Variants in GSE1 observed in about 807,000 individuals in gnomAD.
The protein encoded by GSE1 is genetic suppressor element 1.
Under a neutral mutation model 112.6 loss-of-function variants are expected in GSE1, and 32 were observed. The ratio of observed to expected loss-of-function variants is 0.28; its 90% CI spans 0.21 to 0.38. The LOEUF is 0.38. GSE1 is among the 10% of genes least tolerant of loss of function. The pLI, the probability that GSE1 is intolerant of heterozygous loss-of-function variation, is 1.00. For missense variants in GSE1, 2,348 were observed against 1,699.2 expected, an observed-to-expected ratio of 1.38 and a Z score of -6.71; for synonymous variants, 1,115 against 735.6, an observed-to-expected ratio of 1.52 and a Z score of -8.35.
intron 1 of GSE1, among the ~76,000 whole-genome samples, chr16:85,184,480 G>A (rs900747742): frequency 6.6e-6 from 1 of 152,202 alleles, no homozygotes; most frequent in Non-Finnish European, 1.5e-5. Flanking sequence ...CCAGGCACTG[G>A]CATATTTGCT....
chr16:85,276,168 CA>C (rs1909339195), intron 1 of GSE1, among the ~76,000 whole-genome samples: 1 of 152,266 alleles, frequency 6.6e-6, no homozygotes, highest in African/African-American at 2.4e-5. Flanking sequence ...CTGGGAGCAG[CA>C]GGCCAGGCCT....
intron 1 of GSE1, among the ~76,000 whole-genome samples, chr16:85,252,227 C>T (rs1484267433): frequency 2.0e-5 from 3 of 151,964 alleles, no homozygotes; most frequent in Non-Finnish European, 4.4e-5. Context: ...GGGAATCTGG[C>T]GGCAGGAGGG....
intron 1 of GSE1, among the ~76,000 whole-genome samples, chr16:85,564,327 G>T (rs1270345742): frequency 2.0e-5 from 3 of 152,164 alleles, no homozygotes; most frequent in African/African-American, 4.8e-5. Flanking sequence ...AGCACATTAG[G>T]TTCATGTCAG....
At chr16:85,632,557 G>C (rs991776114) in intron 1 of GSE1, among the ~76,000 whole-genome samples, 4 of 152,182 alleles carry the variant, frequency 2.6e-5, no homozygotes, top group African/African-American at 9.7e-5. Flanking sequence ...CGCTGCCTCC[G>C]AGCCTGCTGT....
intron 1 of GSE1, among the ~76,000 whole-genome samples, chr16:85,304,473 G>A (rs767048710): frequency 2.0e-5 from 3 of 152,206 alleles, no homozygotes; most frequent in Admixed American, 6.5e-5. Flanking sequence ...CAGGGGCAGT[G>A]CCCTCAGCTC....
intron 1 of GSE1, among the ~76,000 whole-genome samples, chr16:85,588,636 C>T (rs1018951582): frequency 6.6e-6 from 1 of 152,232 alleles, no homozygotes; most frequent in African/African-American, 2.4e-5. Context: ...TTTGCTGGGA[C>T]AAGAAGTATT....
intron 1 of GSE1, among the ~76,000 whole-genome samples, chr16:85,571,451 TAGAG>T (rs1365902558): frequency 6.6e-6 from 1 of 152,242 alleles, no homozygotes; most frequent in African/African-American, 2.4e-5. Flanking sequence ...ACAGTGCAGA[TAGAG>T]AGCATTTCCA....
At chr16:85,221,470 C>T (rs1249999514) in intron 1 of GSE1, among the ~76,000 whole-genome samples, 1 of 152,152 alleles carries the variant, frequency 6.6e-6, no homozygotes, top group Non-Finnish European at 1.5e-5. Context: ...CACAGACGCA[C>T]ACAGACACAC....
At chr16:85,308,377 C>T (rs1292466451) in intron 1 of GSE1, among the ~76,000 whole-genome samples, 1 of 152,162 alleles carries the variant, frequency 6.6e-6, no homozygotes, top group East Asian at 1.9e-4. Flanking sequence ...CTTCTTAAGG[C>T]TCTGGATCAA....
chr16:85,646,870 C>T (rs1052754462), intron 2 of GSE1, among the ~76,000 whole-genome samples: 20 of 128,856 alleles, frequency 1.6e-4, no homozygotes, highest in Admixed American at 1.3e-3. Flanking sequence ...GTCTCGGTCA[C>T]GGGGGCTTGA....
intron 1 of GSE1, among the ~76,000 whole-genome samples, chr16:85,253,363 C>T (rs1325305634): frequency 2.0e-5 from 3 of 152,142 alleles, no homozygotes; most frequent in Admixed American, 1.3e-4. Flanking sequence ...CGCTAGGTGT[C>T]GCTGTCCCCT....
chr16:85,331,471 A>G (rs1030777957), intron 1 of GSE1, among the ~76,000 whole-genome samples: 6 of 140,926 alleles, frequency 4.3e-5, no homozygotes, highest in Non-Finnish European at 9.1e-5. Context: ...GTGTGTATAT[A>G]TGTATATATG....
chr16:85,331,422 T>TATAC (rs2046349572), intron 1 of GSE1, among the ~76,000 whole-genome samples: 1 of 94,634 alleles, frequency 1.1e-5, no homozygotes, highest in East Asian at 3.0e-4. Flanking sequence ...TGCGTATATA[T>TATAC]GTATATATGT....
chr16:85,554,020 T>C (rs541808009), upstream of GSE1, among the ~76,000 whole-genome samples: 69 of 152,302 alleles, frequency 4.5e-4, 1 homozygote, highest in South Asian at 0.011. Flanking sequence ...CATGATTGTA[T>C]CTGGGGTCAA....
intron 2 of GSE1, among the ~76,000 whole-genome samples, chr16:85,408,414 A>T (rs1228304662): frequency 1.2e-4 from 3 of 25,968 alleles, no homozygotes; most frequent in Non-Finnish European, 2.0e-4. Context: ...TCACTGTTAC[A>T]CTCAGGGCCC....
chr16:85,664,641 G>A (rs1300719704), intron 11 of GSE1: 2 of 181,456 alleles, frequency 1.1e-5, no homozygotes, highest in African/African-American at 4.7e-5. Flanking sequence ...AAGGCACCCT[G>A]CCTCAGAGGC....
chr16:85,514,598 C>T (rs775201934), intron 2 of GSE1, among the ~76,000 whole-genome samples: 2 of 152,224 alleles, frequency 1.3e-5, no homozygotes, highest in African/African-American at 4.8e-5. Context: ...ACTCTTCACC[C>T]TGCTGGGCTT....
At chr16:85,536,532 C>G (rs148839354) in intron 2 of GSE1, among the ~76,000 whole-genome samples, 2 of 152,358 alleles carry the variant, frequency 1.3e-5, no homozygotes, top group African/African-American at 4.8e-5. Context: ...TCGGTCACAC[C>G]TCACGGATAA....
At chr16:85,380,868 T>C (rs1236194950) in intron 2 of GSE1, among the ~76,000 whole-genome samples, 1 of 152,206 alleles carries the variant, frequency 6.6e-6, no homozygotes, top group African/African-American at 2.4e-5. Context: ...TTTGGGGAGC[T>C]GTGAATTTCC....
Sources: allele counts gnomAD v4.1 joint callset (sites outside exome capture counted in the v4.1 genomes callset), GRCh38; gene constraint gnomAD v4.1.1; transcripts MANE v1.5; gene names NCBI Gene and HGNC (gene_info 2026-07-23, HGNC 2026-07-21).